Variants in SGCG observed in about 807,000 individuals in gnomAD.
SGCG encodes the protein sarcoglycan gamma.
SGCG carries 26 observed loss-of-function variants against 29.3 expected under a neutral mutation model. The ratio of observed to expected loss-of-function variants is 0.89; its 90% CI spans 0.65 to 1.23. The LOEUF (loss-of-function observed/expected upper bound fraction) is 1.23. Among genes scored for constraint, SGCG ranks in the 50% most tolerant of loss-of-function variants. SGCG has a pLI of 0.00. For missense variants in SGCG, 353 were observed against 356.0 expected, an observed-to-expected ratio of 0.99 and a Z score of 0.07; for synonymous variants, 145 against 129.7, an observed-to-expected ratio of 1.12 and a Z score of -0.80.
intron 4 of SGCG, among the ~76,000 whole-genome samples, chr13:23,272,877 G>A (rs1236220260): frequency 2.0e-5 from 3 of 152,070 alleles, no homozygotes; most frequent in African/African-American, 7.2e-5. Context: ...TTTCATCATG[G>A]TTTTCAAGCT....
rs1882037767 is a variant in SGCG at position 23,299,423 on chromosome 13, TA to T, written c.578+3937del. On this transcript the variant is annotated intron_variant, in intron 6 of 7. Transcript: ENST00000218867. ...CTTAGTTGGCATATATATATATATATATATATATATATATATATATATATAT... is the reference window on the plus strand; with the variant it reads ...CTTAGTTGGCATATATATATATATATTATATATATATATATATATATATAT... 2.1e-3 allele frequency among the ~76,000 whole-genome samples: 7 copies of T among 3,400 alleles called. 1 individual carries two copies. Among genetic ancestry groups the T allele is most frequent in the Non-Finnish European group, 6.3e-3 (7 of 1,106 alleles). The allele number at this position is 3,400 out of a possible 152,430, so 2.2% of individuals were successfully genotyped here. A position where few individuals can be genotyped will look rare whatever the true frequency, so the allele number is the denominator to read the frequency against.
chr13:23,220,903 C>T (rs1878631888), intron 2 of SGCG, among the ~76,000 whole-genome samples: 1 of 152,158 alleles, frequency 6.6e-6, no homozygotes, highest in African/African-American at 2.4e-5. Flanking sequence ...TATGCTTTAA[C>T]CTTCCCGCTA....
chr13:23,204,898 A>G (rs925745305), intron 2 of SGCG, among the ~76,000 whole-genome samples: 1 of 151,716 alleles, frequency 6.6e-6, no homozygotes. Context: ...CTATCCCACT[A>G]TAGTTCTAGC....
chr13:23,244,169 C>T (rs1475171661), intron 3 of SGCG: 1 of 152,274 alleles, frequency 6.6e-6, no homozygotes, highest in Non-Finnish European at 1.5e-5. Context: ...AAGCAATCTT[C>T]TCTAAAACAA....
At chr13:23,262,434 G>A (rs1047087742) in intron 4 of SGCG, among the ~76,000 whole-genome samples, 9 of 151,736 alleles carry the variant, frequency 5.9e-5, no homozygotes, top group Non-Finnish European at 1.0e-4. Flanking sequence ...ATGATGAGAG[G>A]ATCAGTACAC....
At chr13:23,254,731 T>A (rs573919075) in intron 4 of SGCG, among the ~76,000 whole-genome samples, 1 of 152,226 alleles carries the variant, frequency 6.6e-6, no homozygotes, top group Non-Finnish European at 1.5e-5. Context: ...GCCCATTCCA[T>A]CACGGGCACA....
At chr13:23,224,520 A>G (rs1201928381) in intron 2 of SGCG, among the ~76,000 whole-genome samples, 3 of 152,208 alleles carry the variant, frequency 2.0e-5, no homozygotes, top group African/African-American at 7.2e-5. Flanking sequence ...CCCCCAGCAC[A>G]GAGCACAATA....
chr13:23,276,426 G>GTTTT, intron 4 of SGCG, among the ~76,000 whole-genome samples: 1 of 65,866 alleles, frequency 1.5e-5, no homozygotes. Flanking sequence ...TTCTTTTTTA[G>GTTTT]TTTTCTTTTT....
chr13:23,220,405 G>A (rs1023300584), intron 2 of SGCG, among the ~76,000 whole-genome samples: 10 of 152,234 alleles, frequency 6.6e-5, no homozygotes, highest in African/African-American at 2.2e-4. Context: ...AGCCGAAATC[G>A]CACCATTGCG....
At chr13:23,211,548 G>T (rs1026284266) in intron 2 of SGCG, among the ~76,000 whole-genome samples, 10 of 152,130 alleles carry the variant, frequency 6.6e-5, no homozygotes, top group Non-Finnish European at 1.5e-4. Context: ...ATCACTTCTG[G>T]CTGTTTCAAA....
chr13:23,267,933 A>G (rs1295849622), intron 4 of SGCG: 1 of 152,278 alleles, frequency 6.6e-6, no homozygotes, highest in Non-Finnish European at 1.5e-5. Context: ...CAAGGCTGGA[A>G]CAGGCTTTGG....
chr13:23,191,845 A>G (rs1877268111), intron 1 of SGCG, among the ~76,000 whole-genome samples: 1 of 152,186 alleles, frequency 6.6e-6, no homozygotes. Flanking sequence ...GGATTAACAT[A>G]TATGCTAGGA....
chr13:23,173,289 T>C, the SGCG span, among the ~76,000 whole-genome samples: 1 of 152,108 alleles, frequency 6.6e-6, no homozygotes, highest in Non-Finnish European at 1.5e-5. Context: ...TGAAGCCAGG[T>C]CCCTAAAGAA....
At chr13:23,314,596 A>G (rs1042945391) in intron 6 of SGCG, among the ~76,000 whole-genome samples, 3 of 151,806 alleles carry the variant, frequency 2.0e-5, no homozygotes, top group African/African-American at 7.3e-5. Context: ...CTCCCACAAG[A>G]TATCACACTG....
rs1382160073 is a variant in SGCG at position 23,274,005 on chromosome 13, C to A, written c.386-5354C>A. On this transcript the variant is annotated intron_variant, in intron 4 of 7. Coordinates refer to ENST00000218867, the MANE Select transcript of SGCG (RefSeq NM_000231.3). ...TAGTGTGTTCTGTGGGTCCTCACAT[C>A]TTTTATTTTTGTTTCATAAAGGTGG... Among the ~76,000 whole-genome samples, 3 of 152,196 alleles carry A rather than the reference C, an allele frequency of 2.0e-5. No homozygotes were observed. In the East Asian group the frequency reaches 5.8e-4, roughly 29 times the overall value.
chr13:23,305,173 T>G (rs1882317965), intron 6 of SGCG, among the ~76,000 whole-genome samples: 1 of 152,216 alleles, frequency 6.6e-6, no homozygotes, highest in African/African-American at 2.4e-5. Context: ...CAACTTACTG[T>G]GTTGAGTCAT....
rs768134426 is a variant in SGCG, at chr13:23,295,435, G to C, written c.526G>C (p.Glu176Gln). ...TTTAGGGCCTGAAGGGGCTCTTTTT[G>C]AACATTCAGTGGAGACACCCCTTGT... Reference protein sequence around the residue: ...RVTGPEGALFEHSVETPLVRA... With the variant: ...RVTGPEGALFQHSVETPLVRA... The change falls in exon 6 of 8, where the codon GAA becomes CAA. Residue 176 changes from glutamate (E) to glutamine (Q), a missense_variant. Glu to Gln is a conservative substitution (Grantham distance 29, BLOSUM62 2). Coordinates refer to ENST00000218867, the MANE Select transcript of SGCG (RefSeq NM_000231.3). The C allele has an allele frequency of 3.7e-6, 6 of 1,613,872 alleles. No individual in the cohort carries two copies. In the African/African-American group the frequency reaches 5.3e-5, roughly 14 times the overall value.
the SGCG span, among the ~76,000 whole-genome samples, chr13:23,173,396 C>T: frequency 0.01 from 1,546 of 152,164 alleles, 14 homozygotes; most frequent in Middle Eastern, 0.017. Context: ...TGAAGAGAGT[C>T]CAGGAATGTT....
At position 23,206,786 on chromosome 13, in the gene SGCG, C is replaced by A. The variant is rs577139530; in HGVS notation, c.195+2897C>A. The stretch of plus-strand genomic sequence containing the variant: ...AGAAGATTAAAGACTTATACAGTGA[C>A]AACTATAAAATAACTGATGAAAAAA... On this transcript the variant is annotated intron_variant, in intron 2 of 7. Transcript: ENST00000218867. 1.5e-4 allele frequency among the ~76,000 whole-genome samples: 23 copies of A among 152,208 alleles called. 1 individual carries two copies. Among genetic ancestry groups the A allele is most frequent in the African/African-American group, 2.6e-4 (11 of 41,542 alleles).
Sources: gnomAD v4.1 joint callset for allele counts (sites outside exome capture counted in the v4.1 genomes callset) on GRCh38, gnomAD v4.1.1 for gene constraint, MANE v1.5 for transcripts, NCBI Gene and HGNC (gene_info 2026-07-23, HGNC 2026-07-21) for gene names.